Variants in DIAPH2 observed in about 807,000 individuals in gnomAD.
DIAPH2 encodes protein diaphanous homolog 2.
DIAPH2 carries 35 observed loss-of-function variants against 92.7 expected under a neutral mutation model. That is an observed-to-expected ratio of 0.38 (90% CI 0.29 to 0.50). DIAPH2 has a LOEUF of 0.50. Among genes scored for constraint, DIAPH2 ranks in the 20% least tolerant of loss-of-function variants. DIAPH2 has a pLI of 0.94. For missense variants in DIAPH2, 701 were observed against 819.5 expected, an observed-to-expected ratio of 0.86 and a Z score of 1.77; for synonymous variants, 301 against 280.4, an observed-to-expected ratio of 1.07 and a Z score of -0.73.
intron 4 of DIAPH2, among the ~76,000 whole-genome samples, chrX:96,764,296 T>A (rs6523055): frequency 9.1e-6 from 1 of 110,258 alleles, no homozygotes; most frequent in African/African-American, 3.3e-5. Context: ...TGATGGCTGG[T>A]GTTTGGCTAG....
chrX:97,313,392 CTT>C (rs890893725), intron 23 of DIAPH2, among the ~76,000 whole-genome samples: 3 of 111,667 alleles, frequency 2.7e-5, no homozygotes, highest in South Asian at 3.8e-4. Context: ...AGAAAAATAA[CTT>C]TATATCTTTT....
intron 17 of DIAPH2, among the ~76,000 whole-genome samples, chrX:97,031,698 T>TA (rs1297864739): frequency 1.8e-5 from 2 of 111,387 alleles, no homozygotes; most frequent in Non-Finnish European, 3.8e-5. Flanking sequence ...GTGGGGAAGA[T>TA]AGATAGGTAA....
chrX:96,858,320 C>T (rs1162704127), intron 4 of DIAPH2, among the ~76,000 whole-genome samples: 2 of 111,834 alleles, frequency 1.8e-5, no homozygotes, highest in Non-Finnish European at 3.8e-5. Context: ...AATTGACAAC[C>T]ATGAGTCAGA....
intron 22 of DIAPH2, among the ~76,000 whole-genome samples, chrX:97,225,276 C>T (rs1276216784): frequency 8.1e-5 from 9 of 111,251 alleles, no homozygotes; most frequent in African/African-American, 2.9e-4. Context: ...TAGATTTCTT[C>T]ATGAATGTTT....
chrX:97,303,381 C>T (rs1368423701), intron 23 of DIAPH2, among the ~76,000 whole-genome samples: 1 of 111,881 alleles, frequency 8.9e-6, no homozygotes, highest in Non-Finnish European at 1.9e-5. Context: ...TATTGTAAGA[C>T]ATACAGAGAG....
At chrX:96,939,619 T>TAC (rs763279889) in intron 12 of DIAPH2, among the ~76,000 whole-genome samples, 2,670 of 57,042 alleles carry the variant, frequency 0.047, 138 homozygotes, top group African/African-American at 0.097. Context: ...CACACACATA[T>TAC]ACACACACAC....
chrX:97,131,126 A>AT (rs1351467946), intron 21 of DIAPH2, among the ~76,000 whole-genome samples: 1 of 110,612 alleles, frequency 9.0e-6, no homozygotes, highest in Non-Finnish European at 1.9e-5. Context: ...AAATAAATAA[A>AT]AAAGTGTTCA....
At chrX:97,301,933 G>A (rs907684575) in intron 23 of DIAPH2, among the ~76,000 whole-genome samples, 1 of 111,265 alleles carries the variant, frequency 9.0e-6, no homozygotes, top group African/African-American at 3.3e-5. Flanking sequence ...TATTGGATAT[G>A]GCCGAGCACA....
intron 25 of DIAPH2, among the ~76,000 whole-genome samples, chrX:97,418,297 A>T (rs1602577285): frequency 8.9e-6 from 1 of 112,231 alleles, no homozygotes; most frequent in Admixed American, 9.4e-5. Flanking sequence ...CAAAAGTTGG[A>T]TTACCAAATG....
chrX:97,257,944 A>G (rs1443907750), intron 23 of DIAPH2, among the ~76,000 whole-genome samples: 2 of 103,061 alleles, frequency 1.9e-5, no homozygotes, highest in African/African-American at 7.2e-5. Context: ...CCCCAAGGAA[A>G]ATGTTCTTTG....
At chrX:97,372,310 T>C (rs1293526902) in intron 24 of DIAPH2, among the ~76,000 whole-genome samples, 1 of 112,588 alleles carries the variant, frequency 8.9e-6, no homozygotes, top group Non-Finnish European at 1.9e-5. Context: ...AACAGTCTTT[T>C]TTCTTTCTTC....
chrX:97,334,233 C>T (rs1211395553), intron 23 of DIAPH2, among the ~76,000 whole-genome samples: 2 of 109,596 alleles, frequency 1.8e-5, no homozygotes, highest in Admixed American at 9.8e-5. Context: ...GAGGCCGAGG[C>T]GGGCGGATCA....
intron 26 of DIAPH2, among the ~76,000 whole-genome samples, chrX:97,579,160 A>T (rs1286039713): frequency 4.5e-5 from 5 of 110,409 alleles, no homozygotes. Context: ...TGCTGTGCAG[A>T]ATCTCTTTAG....
intron 26 of DIAPH2, among the ~76,000 whole-genome samples, chrX:97,585,675 C>CT (rs1177942552): frequency 9.0e-6 from 1 of 110,727 alleles, no homozygotes; most frequent in Non-Finnish European, 1.9e-5. Context: ...TGTTTGCACT[C>CT]TAAGAAAATA....
chrX:97,292,372 T>C (rs2068599372), intron 23 of DIAPH2, among the ~76,000 whole-genome samples: 1 of 111,326 alleles, frequency 9.0e-6, no homozygotes. Context: ...AGTTATTGTC[T>C]ACTGTGTTTT....
chrX:96,853,607 C>A (rs1160472113), intron 4 of DIAPH2, among the ~76,000 whole-genome samples: 1 of 111,214 alleles, frequency 9.0e-6, no homozygotes, highest in Non-Finnish European at 1.9e-5. Context: ...TTAAAGATAC[C>A]TATACTGTAC....
rs766802210 is a variant in DIAPH2 at position 96,763,054 on chromosome X, T to A, written c.447+4796T>A. ...TGACTACTAATATTGTTGCTGTTTG[T>A]TTTTTTTTTACACCATAACCACTCT... On this transcript the variant is annotated intron_variant, in intron 4 of 26. Transcript: ENST00000324765. The A allele has an allele frequency of 7.1e-5, 39 of 550,176 alleles. No homozygotes were observed. The South Asian group carries it at 1.5e-3, about 22-fold the overall frequency. The allele number at this position is 550,176 out of a possible 1,213,427, so 45.3% of individuals were successfully genotyped here. A position where few individuals can be genotyped will look rare whatever the true frequency, so the allele number is the denominator to read the frequency against.
chrX:97,257,832 C>T (rs747282077), intron 23 of DIAPH2, among the ~76,000 whole-genome samples: 3 of 110,489 alleles, frequency 2.7e-5, no homozygotes, highest in East Asian at 5.7e-4. Context: ...TTTTAACATG[C>T]CTTGCAAAAT....
intron 9 of DIAPH2, 60 bp from the exon 10 acceptor site, chrX:96,930,673 A>G: frequency 1.2e-6 from 1 of 830,982 alleles, no homozygotes; most frequent in Non-Finnish European, 1.8e-6. Flanking sequence ...TATTATCTTA[A>G]TGCATTATTT....
Sources: allele counts gnomAD v4.1 joint callset (sites outside exome capture counted in the v4.1 genomes callset), GRCh38; gene constraint gnomAD v4.1.1; transcripts MANE v1.5; gene names NCBI Gene and HGNC (gene_info 2026-07-23, HGNC 2026-07-21).